The following RYR3 variants were observed in gnomAD, a reference collection of about 807,000 sequenced individuals.
RYR3 encodes the protein brain ryanodine receptor-calcium release channel.
Under a neutral mutation model 584.3 loss-of-function variants are expected in RYR3, and 207 were observed. The ratio of observed to expected loss-of-function variants is 0.35; its 90% CI spans 0.32 to 0.40. RYR3 has a LOEUF of 0.40. Ranked by LOEUF, RYR3 falls within the 10% of genes least tolerant of loss-of-function variation. RYR3 has a pLI of 1.00. For synonymous variants in RYR3, 2,416 were observed against 2,248.5 expected (o/e 1.07, Z -2.11); for missense variants, 5,616 against 6,089.2 (o/e 0.92, Z 2.59).
At chr15:33,834,770 A>G (rs2077930867) in intron 86 of RYR3, among the ~76,000 whole-genome samples, 198 bp from the exon 87 acceptor site, 1 of 152,204 alleles carries the variant, frequency 6.6e-6, no homozygotes, top group African/African-American at 2.4e-5. Context: ...TGAAATCCCT[A>G]GTGGTTTTTC....
chr15:33,587,806 G>GA lies in RYR3; in HGVS notation c.1788+1696dup, dbSNP rs371778610. ...ATTGGATAGCTTTCATTTTCAAAGA[G>GA]AAAAAACAGGTTCAAACCATCACTA... On this transcript the variant is annotated intron_variant, in intron 16 of 103. Coordinates refer to ENST00000634891, the MANE Select transcript of RYR3 (RefSeq NM_001036.6). Among the ~76,000 whole-genome samples, 534 of 152,204 alleles carry GA rather than the reference G, an allele frequency of 3.5e-3. 2 individuals carry two copies. The highest frequency in any genetic ancestry group is 0.014 in the Middle Eastern group (4 of 294).
chr15:33,719,151 C>G (rs1229405519), intron 43 of RYR3, among the ~76,000 whole-genome samples: 1 of 152,194 alleles, frequency 6.6e-6, no homozygotes, highest in Non-Finnish European at 1.5e-5. Flanking sequence ...AATGGTTGCA[C>G]TTCAGCTCCT....
intron 1 of RYR3, among the ~76,000 whole-genome samples, chr15:33,444,473 G>T (rs1362411024): frequency 6.6e-6 from 1 of 152,168 alleles, no homozygotes; most frequent in Non-Finnish European, 1.5e-5. Context: ...AGTACTAGCT[G>T]TGCACATAAC....
In RYR3 at chr15:33,860,609, G is replaced by T; in HGVS notation, c.14314G>T (p.Ala4772Ser). 6.3e-7 allele frequency: 1 copy of T among 1,588,658 alleles called. No homozygotes were observed. Among genetic ancestry groups the T allele is most frequent in the East Asian group, 2.3e-5 (1 of 44,300 alleles). Residue 4772 changes from alanine (A) to serine (S), a missense_variant, in exon 101 of 104, where the codon GCT becomes TCT. Around this residue, in one of 9 missense-constraint regions of RYR3, gnomAD observed 918 missense variants for 887.4 expected, o/e 1.03. Coordinates refer to ENST00000634891, the MANE Select transcript of RYR3 (RefSeq NM_001036.6). ...TAACATTCCAGGTCTTATTATTGAT[G>T]CTTTCGGAGAGCTAAGAGACCAGCA... ...LAIIQGLIID[A>S]FGELRDQQEQ... is the part of the protein sequence containing the mutation.
Position 33,635,775 on chromosome 15 carries a change from G to A in RYR3, c.3337G>A (p.Glu1113Lys), listed in dbSNP as rs745955551. 6.8e-6 allele frequency: 11 copies of A among 1,613,552 alleles called. No homozygotes were observed. The African/African-American group carries it at 1.3e-4, about 20-fold the overall frequency. The change falls in exon 26 of 104, where the codon GAG becomes AAG. Residue 1113 changes from glutamate to lysine, a missense_variant. Physicochemically the swap from Glu to Lys is moderately conservative, Grantham distance 56. Coordinates refer to ENST00000634891, the MANE Select transcript of RYR3 (RefSeq NM_001036.6). ...WARPGCRPDV[E>K]LGADDQAFVF... ...GAGGCCAGGCTGTCGACCTGATGTC[G>A]AGCTGGGGGCCGATGACCAAGCCTT...
rs536993790 is a variant in RYR3, at chr15:33,837,785, T to C, written c.11805T>C (p.Gly3935=). 1.2e-6 allele frequency: 2 copies of C among 1,613,854 alleles called. No homozygotes were observed. The highest frequency in any genetic ancestry group is 3.3e-5 in the Admixed American group (2 of 60,010). The change falls in exon 89 of 104, where the codon GGT becomes GGC. Residue 3935 remains glycine (G), a synonymous_variant. Coordinates refer to ENST00000634891, the MANE Select transcript of RYR3 (RefSeq NM_001036.6). ...SDTFKEYDPD[G]KGIISKKEFQ... Reference sequence around the variant, plus strand: ...CCTTCAAAGAATATGACCCAGATGGTAAAGGAATTATCTCCAAAAAAGAAT... The same window carrying C: ...CCTTCAAAGAATATGACCCAGATGGCAAAGGAATTATCTCCAAAAAAGAAT...
chr15:33,774,095 A>G (rs1344397965), intron 64 of RYR3, among the ~76,000 whole-genome samples: 1 of 152,208 alleles, frequency 6.6e-6, no homozygotes, highest in Non-Finnish European at 1.5e-5. Context: ...ACACTTTGGT[A>G]TTAGCAATGC....
chr15:33,548,474 A>G (rs1264371933), intron 9 of RYR3, among the ~76,000 whole-genome samples: 1 of 152,236 alleles, frequency 6.6e-6, no homozygotes, highest in Non-Finnish European at 1.5e-5. Flanking sequence ...GGCCACTGAA[A>G]GCCATCCAAG....
chr15:33,854,421 G>A lies in RYR3; in HGVS notation c.13832G>A (p.Trp4611Ter). 1 of 1,575,864 alleles carries A rather than the reference G, an allele frequency of 6.3e-7. No individual in the cohort carries two copies. Residue 4611 changes from tryptophan (W) to a stop codon, truncating the protein, a stop_gained, in exon 97 of 104, where the codon TGG (tryptophan) becomes TAG (stop). Transcript: ENST00000634891. LOFTEE classifies it high-confidence loss of function. ...LSSIDMKYHI[W>*]KLGVVFTDNS... ...TCCATAGACATGAAGTACCATATCT[G>A]GAAGCTTGGAGTTGTTTTTACTGAC...
At chr15:33,519,350 A>G (rs1000436229) in intron 3 of RYR3, among the ~76,000 whole-genome samples, 1 of 152,202 alleles carries the variant, frequency 6.6e-6, no homozygotes, top group Non-Finnish European at 1.5e-5. Flanking sequence ...CATTAGTCCT[A>G]AAGTTAGCAA....
intron 68 of RYR3, 111 bp from the exon 69 acceptor site, chr15:33,801,758 C>A: frequency 1.6e-6 from 1 of 630,152 alleles, no homozygotes; most frequent in Non-Finnish European, 2.9e-6. Flanking sequence ...TCTTTGGAAT[C>A]ACCTCGGCTG....
chr15:33,462,233 G>C (rs1459007207), intron 1 of RYR3, among the ~76,000 whole-genome samples: 9 of 152,126 alleles, frequency 5.9e-5, no homozygotes, highest in Non-Finnish European at 1.3e-4. Flanking sequence ...ATTAGATTTT[G>C]TATGGAAATT....
chr15:33,834,586 C>T (rs2077920064), intron 86 of RYR3, among the ~76,000 whole-genome samples: 1 of 152,058 alleles, frequency 6.6e-6, no homozygotes, highest in South Asian at 2.1e-4. Context: ...TGCTTCGCAG[C>T]ACCCTTGATC....
intron 36 of RYR3, 44 bp downstream of exon 36, chr15:33,663,781 C>A: frequency 6.6e-7 from 1 of 1,518,912 alleles, no homozygotes; most frequent in South Asian, 1.2e-5. Flanking sequence ...TATGGAAGAA[C>A]TTGAGACCTA....
Position 33,634,807 on chromosome 15 carries a change from A to C in RYR3, c.3175+74A>C, listed in dbSNP as rs1473547610. 7.9e-6 allele frequency: 10 copies of C among 1,264,904 alleles called. No individual in the cohort carries two copies. In the African/African-American group the frequency reaches 1.0e-4, roughly 13 times the overall value. The allele number at this position is 1,264,904 out of a possible 1,614,324, so 78.4% of individuals were successfully genotyped here. A position where few individuals can be genotyped will look rare whatever the true frequency, so the allele number is the denominator to read the frequency against. On this transcript the variant is annotated intron_variant, in intron 25 of 103. Transcript: ENST00000634891. The stretch of plus-strand genomic sequence containing the variant: ...CTCTTCTTGGGGCATCCTAACTTCA[A>C]ATAGGTCTAACTTGTACTATTGGAA...
chr15:33,844,735 A>ATTT, intron 92 of RYR3, 127 bp from the exon 93 acceptor site: 1 of 799,192 alleles, frequency 1.3e-6, no homozygotes, highest in Non-Finnish European at 2.0e-6. Flanking sequence ...AACCTCATTC[A>ATTT]TTCAGCAAGT....
intron 2 of RYR3, among the ~76,000 whole-genome samples, chr15:33,475,856 A>G (rs150304709): frequency 2.4e-4 from 36 of 152,362 alleles, no homozygotes; most frequent in African/African-American, 8.4e-4. Context: ...ACTGGTTATT[A>G]TGATTTCATA....
At chr15:33,570,274 A>G (rs1003372738) in intron 12 of RYR3, among the ~76,000 whole-genome samples, 2 of 152,122 alleles carry the variant, frequency 1.3e-5, no homozygotes, top group Non-Finnish European at 2.9e-5. Context: ...AAAGGTTTAA[A>G]TTAATATTTT....
chr15:33,773,644 T>C (rs1337163586), intron 64 of RYR3, 29 bp downstream of exon 64: 1 of 1,418,518 alleles, frequency 7.0e-7, no homozygotes, highest in Non-Finnish European at 9.9e-7. Context: ...GGCTAACACT[T>C]TCAGGCATAG....
Sources: allele counts gnomAD v4.1 joint callset (sites outside exome capture counted in the v4.1 genomes callset), GRCh38; gene constraint gnomAD v4.1.1; regional missense constraint gnomAD v4.1.1; transcripts MANE v1.5; gene names NCBI Gene and HGNC (gene_info 2026-07-23, HGNC 2026-07-21).